The following CDC16 variants were observed in gnomAD, a reference collection of about 807,000 sequenced individuals.
CDC16 encodes cell division cycle 16.
In CDC16, 34 loss-of-function variants were observed where a neutral mutation model predicts 87.0. The ratio of observed to expected loss-of-function variants is 0.39; its 90% CI spans 0.30 to 0.52. CDC16 has a LOEUF of 0.52. Ranked by LOEUF, CDC16 falls within the 20% of genes least tolerant of loss-of-function variation. The pLI, the probability that CDC16 is intolerant of heterozygous loss-of-function variation, is 0.74. For synonymous variants in CDC16, 263 were observed against 260.6 expected, an observed-to-expected ratio of 1.01 and a Z score of -0.09; for missense variants, 653 against 751.9, an observed-to-expected ratio of 0.87 and a Z score of 1.54.
At chr13:114,269,527 C>T (rs1408258673) in intron 17 of CDC16, among the ~76,000 whole-genome samples, 1 of 152,040 alleles carries the variant, frequency 6.6e-6, no homozygotes, top group African/African-American at 2.4e-5. Flanking sequence ...CACTAAAGGT[C>T]ACAAACAAGA....
chr13:114,241,223 ATAAGT>A, intron 5 of CDC16, among the ~76,000 whole-genome samples: 1 of 152,302 alleles, frequency 6.6e-6, no homozygotes, highest in South Asian at 2.1e-4. Flanking sequence ...ACAGACTTCT[ATAAGT>A]TAGATAGTAA....
intron 6 of CDC16, 91 bp from the exon 7 acceptor site, chr13:114,243,166 C>A: frequency 1.4e-6 from 1 of 705,416 alleles, no homozygotes; most frequent in Non-Finnish European, 2.6e-6. Context: ...TTTACTTAGA[C>A]CAAGAACTGT....
At chr13:114,257,320 T>G in intron 13 of CDC16, 90 bp downstream of exon 13, 4 of 751,248 alleles carry the variant, frequency 5.3e-6, no homozygotes, top group Non-Finnish European at 6.1e-6. Context: ...AAAGCGACTC[T>G]TCAGTAGATT....
At chr13:114,263,443 C>A (rs1398924921) in intron 16 of CDC16, among the ~76,000 whole-genome samples, 1 of 152,180 alleles carries the variant, frequency 6.6e-6, no homozygotes, top group Admixed American at 6.5e-5. Flanking sequence ...ATTTAAGACA[C>A]CATGAGTAAG....
intron 17 of CDC16, among the ~76,000 whole-genome samples, chr13:114,269,050 C>CAATTTACAAAA: frequency 6.6e-6 from 1 of 151,624 alleles, no homozygotes. Flanking sequence ...AAACCTCAAC[C>CAATTTACAAAA]AACAACGTGT....
intron 14 of CDC16, among the ~76,000 whole-genome samples, chr13:114,259,781 A>G (rs2082729115): frequency 6.6e-6 from 1 of 152,212 alleles, no homozygotes; most frequent in African/African-American, 2.4e-5. Flanking sequence ...TAAATAAAGT[A>G]TAGCAGCAGG....
At chr13:114,258,106 T>C (rs189364343) in intron 13 of CDC16, among the ~76,000 whole-genome samples, 10 of 152,344 alleles carry the variant, frequency 6.6e-5, no homozygotes, top group African/African-American at 2.4e-4. Context: ...TTAATACTAC[T>C]ACAGTGTCAT....
At chr13:114,241,979 G>T in intron 5 of CDC16, 142 bp from the exon 6 acceptor site, 1 of 857,006 alleles carries the variant, frequency 1.2e-6, no homozygotes, top group East Asian at 2.6e-5. Context: ...GAGATCATAG[G>T]AGTTCAAGGC....
At chr13:114,251,899 A>G (rs557116815) in intron 12 of CDC16, among the ~76,000 whole-genome samples, 5 of 152,022 alleles carry the variant, frequency 3.3e-5, no homozygotes, top group African/African-American at 9.6e-5. Flanking sequence ...CACGAACCCT[A>G]TTGGATAAAA....
chr13:114,251,465 T>G (rs1258466984), intron 12 of CDC16, among the ~76,000 whole-genome samples: 1 of 152,236 alleles, frequency 6.6e-6, no homozygotes, highest in Non-Finnish European at 1.5e-5. Context: ...TAGCTACTTG[T>G]GTTTATTTAC....
rs114797902 is a variant in CDC16 at position 114,255,127 on chromosome 13, G to A, written c.1098-1951G>A. ...TTGAATTCCTATGTAGTATCCTTCT[G>A]TTTTAGCATAAAGGACTCCCTTTAG... On this transcript the variant is annotated intron_variant, in intron 12 of 17. Coordinates refer to ENST00000356221, the MANE Select transcript of CDC16 (RefSeq NM_001078645.3). Among the ~76,000 whole-genome samples the A allele has an allele frequency of 9.8e-3, 1,487 of 152,272 alleles. 22 individuals are homozygous for A. Among genetic ancestry groups the A allele is most frequent in the African/African-American group, 0.034 (1,413 of 41,564 alleles).
At position 114,237,429 on chromosome 13, in the gene CDC16, A is replaced by G. The variant is rs143501140; in HGVS notation, c.201+533A>G. On this transcript the variant is annotated intron_variant, in intron 3 of 17. Coordinates refer to ENST00000356221, the MANE Select transcript of CDC16 (RefSeq NM_001078645.3). ...CTCAGCCTCCCTAATAGCTGGGACT[A>G]CAGGTGCATGCCACCACACCCAGCT... 4.6e-3 allele frequency among the ~76,000 whole-genome samples: 697 copies of G among 151,960 alleles called. 6 individuals carry two copies. The highest frequency in any genetic ancestry group is 0.015 in the African/African-American group (642 of 41,486).
rs2081651029 is a variant in CDC16 at position 114,243,241 on chromosome 13, T to TC, written c.542-15dup. ...AATATTATGAGGATATTCTTTTTTT[T>TC]CTCACCATTTTTAAGAAAAAGAACT... is the stretch of plus-strand genomic sequence containing the variant. On this transcript the variant is annotated splice_polypyrimidine_tract_variant and intron_variant, in intron 6 of 17. Coordinates refer to ENST00000356221, the MANE Select transcript of CDC16 (RefSeq NM_001078645.3). 4.2e-6 allele frequency: 5 copies of TC among 1,186,902 alleles called. No individual in the cohort carries two copies. The highest frequency in any genetic ancestry group is 2.3e-5 in the East Asian group (1 of 42,914). 73.5% of individuals were successfully genotyped at this position (1,186,902 alleles called of 1,614,324 possible). A position where few individuals can be genotyped will look rare whatever the true frequency, so the allele number is the denominator to read the frequency against.
chr13:114,272,397 A>T lies in CDC16; in HGVS notation c.1817A>T (p.Glu606Val). 1 of 1,614,146 alleles carries T rather than the reference A, an allele frequency of 6.2e-7. No homozygotes were observed. The highest frequency in any genetic ancestry group is 8.5e-7 in the Non-Finnish European group (1 of 1,179,954). Residue 606 changes from glutamate to valine, a missense_variant, in exon 18 of 18, where the codon GAA becomes GTA. By Grantham distance (121) the Glu-to-Val change is moderately radical. Transcript: ENST00000356221. ...LEETFEIEMN[E>V]SDMMLETSMS... ...GAAACCTTTGAAATTGAAATGAATGAAAGTGACATGATGTTAGAGACATCT... is the reference window on the plus strand; with the variant it reads ...GAAACCTTTGAAATTGAAATGAATGTAAGTGACATGATGTTAGAGACATCT...
intron 12 of CDC16, 56 bp downstream of exon 12, chr13:114,250,730 T>G: frequency 3.2e-6 from 5 of 1,570,604 alleles, no homozygotes; most frequent in East Asian, 2.3e-5. Context: ...CTAATAGAAA[T>G]GAAATTTCTA....
intron 15 of CDC16, 79 bp downstream of exon 15, chr13:114,262,027 TATTTC>T: frequency 2.4e-6 from 2 of 832,506 alleles, no homozygotes; most frequent in Admixed American, 2.4e-5. Context: ...GTCATATTCT[TATTTC>T]ATGAGATCAA....
rs17291536 is a variant in CDC16 at position 114,265,015 on chromosome 13, T to C, written c.1513-135T>C. 8.2e-3 allele frequency: 5,495 copies of C among 673,090 alleles called. 206 individuals are homozygous for C. In the African/African-American group the frequency reaches 0.085, roughly 10 times the overall value. 41.7% of individuals were successfully genotyped at this position (673,090 alleles called of 1,614,324 possible). ...CATAACCAACTTCAACAATCTTTGG[T>C]TCATGGCCAGTCATGTAGCTATGTC... On this transcript the variant is annotated intron_variant, in intron 16 of 17. Transcript: ENST00000356221.
In CDC16 at chr13:114,250,699, C is replaced by T. The variant is rs371937257; in HGVS notation, c.1097+25C>T. The T allele has an allele frequency of 8.1e-6, 13 of 1,610,506 alleles. No individual in the cohort carries two copies. The African/African-American group carries it at 1.7e-4, about 22-fold the overall frequency. On this transcript the variant is annotated intron_variant, in intron 12 of 17. Transcript: ENST00000356221. The stretch of plus-strand genomic sequence containing the variant: ...GGTACGGCAGAGCAAACTCATCAAA[C>T]TCCATGAAGGGATGTTTTTCCTAAT...
chr13:114,261,159 C>G (rs2082838867), intron 14 of CDC16, among the ~76,000 whole-genome samples: 1 of 152,020 alleles, frequency 6.6e-6, no homozygotes, highest in Non-Finnish European at 1.5e-5. Context: ...AAAATTGGAG[C>G]TAATTCATTA....
Sources: gnomAD v4.1 joint callset for allele counts (sites outside exome capture counted in the v4.1 genomes callset) on GRCh38, gnomAD v4.1.1 for gene constraint, MANE v1.5 for transcripts, NCBI Gene and HGNC (gene_info 2026-07-23, HGNC 2026-07-21) for gene names.